GLRB: variants seen among roughly 807,000 people sequenced by gnomAD.
The protein encoded by GLRB is glycine receptor beta.
GLRB carries 33 observed loss-of-function variants against 54.2 expected under a neutral mutation model. That is an observed-to-expected ratio of 0.61 (90% CI 0.46 to 0.81). The LOEUF (loss-of-function observed/expected upper bound fraction) is 0.81. GLRB is among the 40% of genes least tolerant of loss of function. The probability of loss-of-function intolerance (pLI) is 0.00; values close to 1 mark genes in which losing one functional copy is unlikely to be tolerated. For synonymous variants in GLRB, 209 were observed against 208.2 expected (o/e 1.00, Z -0.03); for missense variants, 572 against 584.6 (o/e 0.98, Z 0.22).
At chr4:157,091,146 C>T (rs1734594920) in intron 2 of GLRB, among the ~76,000 whole-genome samples, 2 of 152,124 alleles carry the variant, frequency 1.3e-5, no homozygotes, top group Non-Finnish European at 2.9e-5. Context: ...CTACATATAA[C>T]TACACTTGTA....
chr4:157,141,422 T>C (rs543422330), intron 7 of GLRB, among the ~76,000 whole-genome samples: 2 of 152,026 alleles, frequency 1.3e-5, no homozygotes, highest in African/African-American at 4.8e-5. Context: ...TATAAATATA[T>C]ATATGAGCAA....
chr4:157,109,331 G>C (rs984029108), intron 2 of GLRB, among the ~76,000 whole-genome samples: 3 of 151,872 alleles, frequency 2.0e-5, no homozygotes, highest in Non-Finnish European at 4.4e-5. Context: ...GATTTGGGAT[G>C]ATTTTAGCCA....
At chr4:157,136,105 AG>A (rs1390458412) in intron 4 of GLRB, among the ~76,000 whole-genome samples, 1 of 152,154 alleles carries the variant, frequency 6.6e-6, no homozygotes, top group Non-Finnish European at 1.5e-5. Flanking sequence ...TTGGACAAAA[AG>A]TTTTGGGGAA....
rs1461560685 is a variant in GLRB, at chr4:157,171,021, A to G, written c.*293A>G. ...ATTCTCTTCAGTTAGTGTAAACTGC[A>G]AATACTACAGATAATTCTGATAATA... On this transcript the variant is annotated 3_prime_UTR_variant, in exon 10 of 10. Transcript: ENST00000264428. 4.7e-6 allele frequency: 1 copy of G among 211,330 alleles called. No individual in the cohort carries two copies. The highest frequency in any genetic ancestry group is 1.0e-4 in the East Asian group (1 of 9,708). 13.1% of individuals were successfully genotyped at this position (211,330 alleles called of 1,614,324 possible). A position where few individuals can be genotyped will look rare whatever the true frequency, so the allele number is the denominator to read the frequency against.
intron 9 of GLRB, among the ~76,000 whole-genome samples, chr4:157,169,480 C>T (rs1369056400): frequency 6.6e-6 from 1 of 152,034 alleles, no homozygotes. Context: ...GTTCCAGTAT[C>T]CCCTGCAGAT....
chr4:157,136,475 A>G lies in GLRB; in HGVS notation c.304A>G (p.Arg102Gly), dbSNP rs1406375754. The G allele has an allele frequency of 1.9e-6, 3 of 1,575,564 alleles. No homozygotes were observed. Among genetic ancestry groups the G allele is most frequent in the Non-Finnish European group, 2.6e-6 (3 of 1,144,980 alleles). ...GCATGTACTTTTTCTTCAGGACTAT[A>G]GAGTTAACATCTTCCTGAGACAAAA... is the stretch of plus-strand genomic sequence containing the variant. ...GSIQETTMDY[R>G]VNIFLRQKWN... The change falls in exon 5 of 10, where the codon AGA becomes GGA. Residue 102 changes from arginine to glycine, a missense_variant. By Grantham distance (125) the Arg-to-Gly change is moderately radical. Transcript: ENST00000264428.
intron 9 of GLRB, among the ~76,000 whole-genome samples, chr4:157,163,047 C>T (rs1253877477): frequency 6.6e-6 from 1 of 152,170 alleles, no homozygotes; most frequent in Non-Finnish European, 1.5e-5. Context: ...GGACACCCCT[C>T]CCCCAGCCTC....
chr4:157,154,702 C>T (rs1452006937), intron 9 of GLRB, among the ~76,000 whole-genome samples: 1 of 152,152 alleles, frequency 6.6e-6, no homozygotes, highest in Non-Finnish European at 1.5e-5. Context: ...GCTGGGATTA[C>T]AGGCATGAGC....
intron 2 of GLRB, among the ~76,000 whole-genome samples, chr4:157,084,944 T>C (rs539978367): frequency 7.9e-5 from 12 of 152,310 alleles, no homozygotes; most frequent in African/African-American, 2.9e-4. Flanking sequence ...GAAAAGGATA[T>C]GGATAATCTA....
intron 4 of GLRB, among the ~76,000 whole-genome samples, chr4:157,136,175 G>A (rs1391894843): frequency 6.6e-6 from 1 of 152,084 alleles, no homozygotes; most frequent in African/African-American, 2.4e-5. Flanking sequence ...CTAATCAACT[G>A]TAATAATTGG....
chr4:157,135,166 A>T (rs1367030734), intron 4 of GLRB, among the ~76,000 whole-genome samples: 3 of 152,174 alleles, frequency 2.0e-5, no homozygotes, highest in Non-Finnish European at 4.4e-5. Context: ...CACAGCTTTA[A>T]CAACAAGTAT....
intron 8 of GLRB, among the ~76,000 whole-genome samples, chr4:157,147,053 G>C (rs1736838552): frequency 6.6e-6 from 1 of 152,180 alleles, no homozygotes; most frequent in African/African-American, 2.4e-5. Context: ...CTTTGCTTTA[G>C]ACACGTTAAG....
At chr4:157,083,475 C>G (rs1382566564) in intron 2 of GLRB, among the ~76,000 whole-genome samples, 2 of 152,032 alleles carry the variant, frequency 1.3e-5, no homozygotes, top group African/African-American at 4.8e-5. Context: ...GGTACGCAGG[C>G]ACGTGGGATA....
intron 2 of GLRB, among the ~76,000 whole-genome samples, chr4:157,096,835 A>G (rs1170141402): frequency 2.0e-5 from 3 of 152,326 alleles, no homozygotes; most frequent in Admixed American, 6.5e-5. Flanking sequence ...GTGGCCTTTG[A>G]AGTCTTTTCA....
intron 8 of GLRB, among the ~76,000 whole-genome samples, chr4:157,151,106 G>T (rs1309842991): frequency 1.3e-5 from 2 of 151,914 alleles, no homozygotes; most frequent in African/African-American, 4.8e-5. Flanking sequence ...AAATATTCAG[G>T]TATACAGCTA....
At chr4:157,091,789 G>C (rs1022674302) in intron 2 of GLRB, among the ~76,000 whole-genome samples, 1 of 152,018 alleles carries the variant, frequency 6.6e-6, no homozygotes, top group Non-Finnish European at 1.5e-5. Context: ...TGCACTTCTT[G>C]GTGTTCCTGG....
chr4:157,133,655 C>A (rs1157191927), intron 4 of GLRB, among the ~76,000 whole-genome samples: 1 of 151,766 alleles, frequency 6.6e-6, no homozygotes, highest in Non-Finnish European at 1.5e-5. Context: ...TAGTAAATTA[C>A]CTAGGGATTT....
intron 4 of GLRB, among the ~76,000 whole-genome samples, chr4:157,131,000 G>T (rs1736194591): frequency 6.6e-6 from 1 of 151,446 alleles, no homozygotes; most frequent in South Asian, 2.1e-4. Context: ...ACTTGTTAAT[G>T]TTATACAGAG....
chr4:157,104,265 G>GATGTTAAA (rs536536083), intron 2 of GLRB, among the ~76,000 whole-genome samples: 141 of 152,164 alleles, frequency 9.3e-4, no homozygotes, highest in African/African-American at 3.1e-3. Flanking sequence ...ATCATGAAAG[G>GATGTTAAA]ATGTTAAATG....
Sources: allele counts gnomAD v4.1 joint callset (sites outside exome capture counted in the v4.1 genomes callset), GRCh38; gene constraint gnomAD v4.1.1; transcripts MANE v1.5; gene names NCBI Gene and HGNC (gene_info 2026-07-23, HGNC 2026-07-21).